The following KLF11 variants were observed in gnomAD, a reference collection of about 807,000 sequenced individuals.
KLF11 encodes KLF transcription factor 11.
A neutral mutation model predicts 29.9 loss-of-function variants in KLF11; 26 were observed. The observed-to-expected ratio is 0.87, with a 90% CI of 0.64 to 1.21. The LOEUF (loss-of-function observed/expected upper bound fraction) is 1.21, where lower values mean the gene tolerates loss of function less well. Ranked by LOEUF, KLF11 falls within the 50% of genes most tolerant of loss-of-function variation. The probability of loss-of-function intolerance (pLI) is 0.00; values close to 1 mark genes in which losing one functional copy is unlikely to be tolerated. For synonymous variants in KLF11, 318 were observed against 257.4 expected (o/e 1.24, Z -2.25); for missense variants, 778 against 665.7 (o/e 1.17, Z -1.86).
chr2:10,050,892 C>CTTTTGTTTTTTTT (rs1661382584), intron 3 of KLF11, among the ~76,000 whole-genome samples: 1 of 54,824 alleles, frequency 1.8e-5, no homozygotes, highest in East Asian at 6.1e-4. Context: ...TAGATGCTAC[C>CTTTTGTTTTTTTT]TTTTTTTTTT....
At chr2:10,043,925 G>A (rs1572433704) in intron 1 of KLF11, 167 bp downstream of exon 1, 2 of 1,013,852 alleles carry the variant, frequency 2.0e-6, no homozygotes, top group South Asian at 4.6e-5. Context: ...GGGCGGGGCG[G>A]CGGCCGCGAC....
In KLF11 at chr2:10,048,537, T is replaced by C. The variant is rs201561310; in HGVS notation, c.1200T>C (p.Gly400=). Residue 400 remains glycine, a synonymous_variant, in exon 3 of 4, where the codon GGT becomes GGC. Coordinates refer to ENST00000305883, the MANE Select transcript of KLF11 (RefSeq NM_003597.5). The part of the protein sequence containing the change: ...RRRNYVCSFP[G]CRKTYFKSSH... ...GGAACTATGTATGCAGCTTCCCAGG[T>C]TGCCGGAAGACCTACTTCAAAAGTT... 2.5e-6 allele frequency: 4 copies of C among 1,611,218 alleles called. No individual in the cohort carries two copies. The highest frequency in any genetic ancestry group is 3.4e-6 in the Non-Finnish European group (4 of 1,180,028).
chr2:10,046,307 T>TG lies in KLF11; in HGVS notation c.201dup (p.Arg68AlafsTer10). 1.2e-6 allele frequency: 2 copies of TG among 1,614,186 alleles called. No individual in the cohort carries two copies. The highest frequency in any genetic ancestry group is 1.7e-6 in the Non-Finnish European group (2 of 1,180,038). ...CAAAGATCCCAGAAAGGTGACCTGTTGCGGATAAGACCCCTCACGCCTGTC... is the reference window on the plus strand; with the variant it reads ...CAAAGATCCCAGAAAGGTGACCTGTTGGCGGATAAGACCCCTCACGCCTGTC... On this transcript the variant is annotated frameshift_variant, in exon 2 of 4. Coordinates refer to ENST00000305883, the MANE Select transcript of KLF11 (RefSeq NM_003597.5). LOFTEE classifies it high-confidence loss of function.
rs550807244 is a variant in KLF11 at position 10,053,489 on chromosome 2, G to A, written c.*982G>A. ...AGAAAAAAAGGAAATGTCTGTATTG[G>A]TTGGATGAAACTCCACCAGAGCACA... is the stretch of plus-strand genomic sequence containing the variant. On this transcript the variant is annotated 3_prime_UTR_variant, in exon 4 of 4. Transcript: ENST00000305883. The A allele has an allele frequency of 1.4e-4, 56 of 398,690 alleles. No individual in the cohort carries two copies. In the East Asian group the frequency reaches 1.9e-3, roughly 13 times the overall value. 24.7% of individuals were successfully genotyped at this position (398,690 alleles called of 1,614,324 possible).
At position 10,053,682 on chromosome 2, in the gene KLF11, A is replaced by T. The variant is rs141259297; in HGVS notation, c.*1175A>T. The T allele has an allele frequency of 8.7e-6, 3 of 344,306 alleles. No individual in the cohort carries two copies. In the East Asian group the frequency reaches 1.3e-4, roughly 15 times the overall value. The allele number at this position is 344,306 out of a possible 1,614,324, so 21.3% of individuals were successfully genotyped here. On this transcript the variant is annotated 3_prime_UTR_variant, in exon 4 of 4. Transcript: ENST00000305883. ...TTGAAGGAAATTGTTTTGACCAAAC[A>T]GAAAATTACTTGGAATGGTGTGTTT...
chr2:10,052,208 G>A lies in KLF11; in HGVS notation c.1259-19G>A. On this transcript the variant is annotated intron_variant, in intron 3 of 3. Coordinates refer to ENST00000305883, the MANE Select transcript of KLF11 (RefSeq NM_003597.5). ...TTAGCGTTTCCTTTCTCTTTAATAT[G>A]TATTTTCTCACCTCACAGGGGAGAA... is the stretch of plus-strand genomic sequence containing the variant. 2 of 1,613,058 alleles carry A rather than the reference G, an allele frequency of 1.2e-6. No individual in the cohort carries two copies. Among genetic ancestry groups the A allele is most frequent in the Non-Finnish European group, 1.7e-6 (2 of 1,179,062 alleles).
Position 10,053,608 on chromosome 2 carries a change from TA to T in KLF11, c.*1102del. 1 of 395,692 alleles carries T rather than the reference TA, an allele frequency of 2.5e-6. No homozygotes were observed. The highest frequency in any genetic ancestry group is 1.4e-4 in the South Asian group (1 of 6,992). 24.5% of individuals were successfully genotyped at this position (395,692 alleles called of 1,614,324 possible). A position where few individuals can be genotyped will look rare whatever the true frequency, so the allele number is the denominator to read the frequency against. ...ACTAGAAACACAAGGAAATGCAAGT[TA>T]CGCTAAATGGCAGTAATACTACCCA... On this transcript the variant is annotated 3_prime_UTR_variant, in exon 4 of 4. Transcript: ENST00000305883.
chr2:10,043,720 C>T lies in KLF11; in HGVS notation c.4C>T (p.His2Tyr), dbSNP rs1199842247. The part of the protein sequence containing the change: M[H>Y]TPDFAGPDDA... ...TTGCTCCCGGCCGGCCTGCACGATG[C>T]ACACGCCGGACTTCGCAGGCCCAGA... The change falls in exon 1 of 4, where the codon CAC (histidine) becomes TAC (tyrosine). Residue 2 changes from histidine (H) to tyrosine (Y), a missense_variant. His to Tyr is a moderately conservative substitution (Grantham distance 83, BLOSUM62 2). Coordinates refer to ENST00000305883, the MANE Select transcript of KLF11 (RefSeq NM_003597.5). The T allele has an allele frequency of 2.2e-6, 3 of 1,373,260 alleles. No individual in the cohort carries two copies. The highest frequency in any genetic ancestry group is 2.9e-6 in the Non-Finnish European group (3 of 1,048,214). The allele number at this position is 1,373,260 out of a possible 1,614,324, so 85.1% of individuals were successfully genotyped here.
intron 2 of KLF11, among the ~76,000 whole-genome samples, chr2:10,047,429 C>A (rs1272353464): frequency 6.6e-6 from 1 of 152,158 alleles, no homozygotes; most frequent in Non-Finnish European, 1.5e-5. Context: ...TCTCAGAGTT[C>A]CCTGCACTGG....
In KLF11 at chr2:10,047,789, G is replaced by A; in HGVS notation, c.452G>A (p.Gly151Glu). The A allele has an allele frequency of 6.2e-7, 1 of 1,613,638 alleles. No homozygotes were observed. The highest frequency in any genetic ancestry group is 1.1e-5 in the South Asian group (1 of 91,076). The change falls in exon 3 of 4, where the codon GGG becomes GAG. Residue 151 changes from glycine (G) to glutamate (E), a missense_variant. Physicochemically the swap from Gly to Glu is moderately conservative, Grantham distance 98. Transcript: ENST00000305883. Reference protein sequence around the residue: ...SSAVVARALSGGAERGLLGLE... With the variant: ...SSAVVARALSEGAERGLLGLE... ...GCCGTAGTGGCCAGAGCTCTGAGCG[G>A]GGGCGCGGAGAGGGGCTTGCTGGGT...
rs1284239382 is a variant in KLF11, at chr2:10,054,386, A to T, written c.*1879A>T. ...TGAGTATTTGGTTGCTTGTCACAAC[A>T]TTCTCCAAGCAGTGATATTTCTAAA... On this transcript the variant is annotated 3_prime_UTR_variant, in exon 4 of 4. Transcript: ENST00000305883. 1 of 152,376 alleles carries T rather than the reference A, an allele frequency of 6.6e-6. No individual in the cohort carries two copies. Among genetic ancestry groups the T allele is most frequent in the Non-Finnish European group, 1.5e-5 (1 of 68,052 alleles). 9.4% of individuals were successfully genotyped at this position (152,376 alleles called of 1,614,324 possible).
chr2:10,051,096 T>A (rs1661390311), intron 3 of KLF11, among the ~76,000 whole-genome samples: 1 of 151,326 alleles, frequency 6.6e-6, no homozygotes, highest in African/African-American at 2.4e-5. Context: ...TTTTAGTAGA[T>A]ACGGGGTTTC....
chr2:10,052,219 C>T lies in KLF11; in HGVS notation c.1259-8C>T, dbSNP rs375268549. ...TTTCTCTTTAATATGTATTTTCTCA[C>T]CTCACAGGGGAGAAGCCTTTCAACT... On this transcript the variant is annotated splice_region_variant and splice_polypyrimidine_tract_variant and intron_variant, in intron 3 of 3. Coordinates refer to ENST00000305883, the MANE Select transcript of KLF11 (RefSeq NM_003597.5). The T allele has an allele frequency of 2.5e-6, 4 of 1,613,846 alleles. No individual in the cohort carries two copies. In the African/African-American group the frequency reaches 5.3e-5, roughly 22 times the overall value.
chr2:10,046,844 G>C (rs1432671881), intron 2 of KLF11, among the ~76,000 whole-genome samples: 1 of 152,042 alleles, frequency 6.6e-6, no homozygotes, highest in Non-Finnish European at 1.5e-5. Flanking sequence ...AACAGAGCGC[G>C]AGACCCCATC....
rs1254963776 is a variant in KLF11 at position 10,052,617 on chromosome 2, C to T, written c.*110C>T. ...ACCCAAAAAAAACGGTCTTGGCGGC[C>T]TAGGGGAAGATCGGGGAGCTGGTTT... On this transcript the variant is annotated 3_prime_UTR_variant, in exon 4 of 4. Coordinates refer to ENST00000305883, the MANE Select transcript of KLF11 (RefSeq NM_003597.5). 5 of 1,168,926 alleles carry T rather than the reference C, an allele frequency of 4.3e-6. No individual in the cohort carries two copies. Among genetic ancestry groups the T allele is most frequent in the African/African-American group, 1.5e-5 (1 of 65,978 alleles). The allele number at this position is 1,168,926 out of a possible 1,614,324, so 72.4% of individuals were successfully genotyped here. A position where few individuals can be genotyped will look rare whatever the true frequency, so the allele number is the denominator to read the frequency against.
rs566619490 is a variant in KLF11 at position 10,043,982 on chromosome 2, G to A, written c.42+224G>A. On this transcript the variant is annotated intron_variant, in intron 1 of 3. Transcript: ENST00000305883. ...GGCGAGGAGGGGGCGTGTTCCCCGC[G>A]CAGCTTTGTCTTGCGCTTCCTGGGC... 72 of 868,932 alleles carry A rather than the reference G, an allele frequency of 8.3e-5. No individual in the cohort carries two copies. In the South Asian group the frequency reaches 3.3e-3, roughly 39 times the overall value. 53.8% of individuals were successfully genotyped at this position (868,932 alleles called of 1,614,324 possible).
intron 3 of KLF11, among the ~76,000 whole-genome samples, chr2:10,050,059 C>T (rs1158502958): frequency 2.0e-5 from 3 of 152,222 alleles, no homozygotes; most frequent in Non-Finnish European, 4.4e-5. Context: ...GAAGTACTGA[C>T]AGAATGACCT....
At chr2:10,047,463 G>A (rs1419437364) in intron 2 of KLF11, among the ~76,000 whole-genome samples, 187 bp from the exon 3 acceptor site, 1 of 152,228 alleles carries the variant, frequency 6.6e-6, no homozygotes, top group Non-Finnish European at 1.5e-5. Context: ...TTTGGGAGAG[G>A]TAAACACGTT....
At chr2:10,050,153 C>T (rs535668704) in intron 3 of KLF11, among the ~76,000 whole-genome samples, 1 of 152,164 alleles carries the variant, frequency 6.6e-6, no homozygotes, top group Non-Finnish European at 1.5e-5. Context: ...TCACGCCTGT[C>T]ATCCCAGCAC....
Sources: gnomAD v4.1 joint callset for allele counts (sites outside exome capture counted in the v4.1 genomes callset) on GRCh38, gnomAD v4.1.1 for gene constraint, MANE v1.5 for transcripts, NCBI Gene and HGNC (gene_info 2026-07-23, HGNC 2026-07-21) for gene names.